Variants in LAMA2 observed in about 807,000 individuals in gnomAD.
LAMA2 encodes laminin subunit alpha-2.
A neutral mutation model predicts 364.8 loss-of-function variants in LAMA2; 269 were observed. The observed-to-expected ratio is 0.74, with a 90% CI of 0.67 to 0.82. The LOEUF is 0.82. Ranked by LOEUF, LAMA2 falls within the 40% of genes least tolerant of loss-of-function variation. The pLI is 0.00. For synonymous variants in LAMA2, 1,379 were observed against 1,370.6 expected (o/e 1.01, Z -0.14); for missense variants, 3,807 against 3,873.2 (o/e 0.98, Z 0.45).
chr6:129,479,755 A>G (rs1784260992), intron 54 of LAMA2: 1 of 152,136 alleles, frequency 6.6e-6, no homozygotes, highest in East Asian at 1.9e-4. Flanking sequence ...AAGTAAATCC[A>G]CCACTTGAAT....
At chr6:129,449,228 T>C (rs1413302052) in intron 45 of LAMA2, among the ~76,000 whole-genome samples, 2 of 152,206 alleles carry the variant, frequency 1.3e-5, no homozygotes, top group African/African-American at 4.8e-5. Context: ...CTAGTCCACT[T>C]CATGCTGCTG....
At chr6:128,909,463 G>T (rs1238652296) in intron 1 of LAMA2, among the ~76,000 whole-genome samples, 1 of 150,524 alleles carries the variant, frequency 6.6e-6, no homozygotes, top group African/African-American at 2.5e-5. Context: ...TGCAACCCCT[G>T]CCTTTTTTTG....
intron 1 of LAMA2, among the ~76,000 whole-genome samples, chr6:128,913,621 G>A (rs1778123044): frequency 6.6e-6 from 1 of 152,132 alleles, no homozygotes; most frequent in South Asian, 2.1e-4. Context: ...TCTTACTTCT[G>A]GAATCAATTT....
intron 29 of LAMA2, among the ~76,000 whole-genome samples, chr6:129,334,159 C>G (rs957691930): frequency 1.3e-5 from 2 of 152,162 alleles, no homozygotes; most frequent in Admixed American, 6.5e-5. Flanking sequence ...ACTGATTTCT[C>G]TTTTATGTGC....
At chr6:129,194,080 A>G (rs1408580446) in intron 12 of LAMA2, among the ~76,000 whole-genome samples, 1 of 152,202 alleles carries the variant, frequency 6.6e-6, no homozygotes, top group Non-Finnish European at 1.5e-5. Flanking sequence ...AAGGCCCTTT[A>G]CAGCAAGAAG....
chr6:129,488,310 G>A (rs1027904197), intron 56 of LAMA2, among the ~76,000 whole-genome samples: 4 of 151,804 alleles, frequency 2.6e-5, no homozygotes, highest in African/African-American at 9.7e-5. Flanking sequence ...ACTCCAACTC[G>A]GAAAAAACAA....
intron 3 of LAMA2, among the ~76,000 whole-genome samples, chr6:129,088,760 G>A (rs962149150): frequency 5.3e-5 from 8 of 152,146 alleles, no homozygotes; most frequent in Admixed American, 5.2e-4. Context: ...AGACGCAGCG[G>A]CCGGGCAGAG....
intron 30 of LAMA2, among the ~76,000 whole-genome samples, chr6:129,344,647 G>A (rs1036677134): frequency 6.6e-5 from 10 of 152,088 alleles, no homozygotes; most frequent in Non-Finnish European, 1.3e-4. Context: ...TATCCAAGGC[G>A]AGTATATAGA....
intron 4 of LAMA2, among the ~76,000 whole-genome samples, chr6:129,119,275 T>C (rs925729740): frequency 6.6e-6 from 1 of 152,210 alleles, no homozygotes; most frequent in East Asian, 1.9e-4. Context: ...TACATTTTTT[T>C]AATTTTAGCA....
chr6:129,464,595 G>C (rs1783443537), intron 50 of LAMA2, 143 bp downstream of exon 50: 1 of 761,148 alleles, frequency 1.3e-6, no homozygotes, highest in Non-Finnish European at 2.4e-6. Context: ...AGCCAAGAAT[G>C]GGTGATACAG....
chr6:129,109,492 C>A (rs1583058212), intron 4 of LAMA2, among the ~76,000 whole-genome samples: 1 of 151,620 alleles, frequency 6.6e-6, no homozygotes, highest in African/African-American at 2.4e-5. Context: ...TTCTGAAATG[C>A]CTTAATACAT....
At chr6:129,106,861 CAA>C (rs373033392) in intron 4 of LAMA2, among the ~76,000 whole-genome samples, 29 of 132,230 alleles carry the variant, frequency 2.2e-4, no homozygotes, top group African/African-American at 5.4e-4. Context: ...CTTACTCCTC[CAA>C]AAAAAAAAAA....
intron 30 of LAMA2, among the ~76,000 whole-genome samples, chr6:129,345,364 A>C (rs1180921856): frequency 6.6e-6 from 1 of 152,052 alleles, no homozygotes; most frequent in Non-Finnish European, 1.5e-5. Flanking sequence ...CTGTAGTTAC[A>C]CTCTCAGAGT....
intron 4 of LAMA2, among the ~76,000 whole-genome samples, chr6:129,123,281 GAGCGATAGAGTA>G (rs1446019769): frequency 6.7e-6 from 1 of 150,248 alleles, no homozygotes; most frequent in African/African-American, 2.5e-5. Context: ...ACTTCAGCCT[GAGCGATAGAGTA>G]AGACTCTGTC....
chr6:128,891,193 A>G (rs1471682058), intron 1 of LAMA2, among the ~76,000 whole-genome samples: 1 of 152,106 alleles, frequency 6.6e-6, no homozygotes, highest in Non-Finnish European at 1.5e-5. Flanking sequence ...AGAAAACTCT[A>G]GTTGCCTTGA....
intron 1 of LAMA2, among the ~76,000 whole-genome samples, chr6:128,903,034 C>A (rs1212842197): frequency 6.6e-6 from 1 of 151,868 alleles, no homozygotes; most frequent in Non-Finnish European, 1.5e-5. Context: ...ACATTTTGTT[C>A]TTCTATAATA....
intron 58 of LAMA2, among the ~76,000 whole-genome samples, chr6:129,497,524 C>T (rs914832096): frequency 2.0e-4 from 31 of 152,184 alleles, no homozygotes; most frequent in African/African-American, 7.5e-4. Flanking sequence ...CATAAGCCAC[C>T]ACGCCTGGCC....
At chr6:129,004,536 C>A (rs990405488) in intron 1 of LAMA2, among the ~76,000 whole-genome samples, 1 of 151,786 alleles carries the variant, frequency 6.6e-6, no homozygotes, top group Non-Finnish European at 1.5e-5. Flanking sequence ...GCATGTATTT[C>A]CACAATACAG....
chr6:129,325,269 A>G (rs899473808), intron 28 of LAMA2, among the ~76,000 whole-genome samples: 1 of 152,218 alleles, frequency 6.6e-6, no homozygotes, highest in Non-Finnish European at 1.5e-5. Flanking sequence ...AGAACTTTGG[A>G]AAAGTTTAAA....
Sources: allele counts gnomAD v4.1 joint callset (sites outside exome capture counted in the v4.1 genomes callset), GRCh38; gene constraint gnomAD v4.1.1; transcripts MANE v1.5; gene names NCBI Gene and HGNC (gene_info 2026-07-23, HGNC 2026-07-21).